Variants in STAB2 observed in about 807,000 individuals in gnomAD.
STAB2 encodes stabilin 2, also known as stabilin-2.
STAB2 carries 288 observed loss-of-function variants against 338.1 expected under a neutral mutation model. That is an observed-to-expected ratio of 0.85 (90% confidence interval 0.77 to 0.94). The LOEUF is 0.94. Ranked by LOEUF, STAB2 falls within the 40% of genes least tolerant of loss-of-function variation. The pLI is 0.00. For missense variants in STAB2, 3,141 were observed against 3,210.1 expected (o/e 0.98, Z 0.52); for synonymous variants, 1,202 against 1,193.3 (o/e 1.01, Z -0.15).
chr12:103,627,319 T>C (rs924600252), intron 5 of STAB2, among the ~76,000 whole-genome samples: 2 of 152,026 alleles, frequency 1.3e-5, no homozygotes, highest in African/African-American at 4.8e-5. Flanking sequence ...GAAATGTGGG[T>C]GACAACTGTG....
chr12:103,750,672 A>G lies in STAB2; in HGVS notation c.6532A>G (p.Asn2178Asp). ...GCCCATTGACCGCTGCTTACAGGACAATGGGCAGTGCCATGCAGACGCCAA... is the reference window on the plus strand; with the variant it reads ...GCCCATTGACCGCTGCTTACAGGACGATGGGCAGTGCCATGCAGACGCCAA... ...QLPIDRCLQDNGQCHADAKCV... is the reference protein window; with the variant it reads ...QLPIDRCLQDDGQCHADAKCV... The change falls in exon 60 of 69, where the codon AAT (asparagine) becomes GAT (aspartate). Residue 2178 changes from asparagine to aspartate, a missense_variant. By Grantham distance (23) the Asn-to-Asp change is conservative. Coordinates refer to ENST00000388887, the MANE Select transcript of STAB2 (RefSeq NM_017564.10). 5 of 1,614,244 alleles carry G rather than the reference A, an allele frequency of 3.1e-6. No homozygotes were observed. Among genetic ancestry groups the G allele is most frequent in the Non-Finnish European group, 4.2e-6 (5 of 1,180,026 alleles).
chr12:103,747,933 T>C (rs1030517623), intron 58 of STAB2, among the ~76,000 whole-genome samples: 1 of 146,662 alleles, frequency 6.8e-6, no homozygotes. Flanking sequence ...AGGCAGAGGT[T>C]GCAGTGAGCT....
intron 36 of STAB2, chr12:103,705,079 A>G (rs1879225524): frequency 6.4e-6 from 1 of 157,076 alleles, no homozygotes; most frequent in African/African-American, 2.4e-5. Context: ...ATTGTAAAAG[A>G]TACTTCTGAT....
intron 27 of STAB2, among the ~76,000 whole-genome samples, chr12:103,686,702 C>T (rs1566015311): frequency 6.6e-6 from 1 of 152,156 alleles, no homozygotes; most frequent in Non-Finnish European, 1.5e-5. Flanking sequence ...GACAGGGTCT[C>T]GCCATGTGAG....
At chr12:103,589,792 AC>A (rs1956768749) in intron 1 of STAB2, among the ~76,000 whole-genome samples, 1 of 152,184 alleles carries the variant, frequency 6.6e-6, no homozygotes, top group East Asian at 1.9e-4. Flanking sequence ...GTGAAGAGTT[AC>A]AGCAGCCAGC....
intron 12 of STAB2, 110 bp downstream of exon 12, chr12:103,652,815 C>A (rs1358680428): frequency 3.8e-5 from 48 of 1,272,370 alleles, no homozygotes; most frequent in Non-Finnish European, 1.3e-5. Flanking sequence ...CAAGGAAATT[C>A]TTTCCTCATG....
chr12:103,761,241 C>T (rs1884512948), intron 65 of STAB2, 59 bp from the exon 66 acceptor site: 1 of 1,527,340 alleles, frequency 6.5e-7, no homozygotes, highest in Non-Finnish European at 9.1e-7. Context: ...CAACTTCCCT[C>T]CATGGAGGGC....
intron 5 of STAB2, among the ~76,000 whole-genome samples, chr12:103,627,187 A>G (rs1957393515): frequency 6.6e-6 from 1 of 152,044 alleles, no homozygotes; most frequent in Admixed American, 6.5e-5. Flanking sequence ...GTGACTCCAG[A>G]GCCTGGGCCC....
At chr12:103,727,183 G>T in intron 46 of STAB2, 84 bp from the exon 47 acceptor site, 1 of 1,408,628 alleles carries the variant, frequency 7.1e-7, no homozygotes, top group East Asian at 2.3e-5. Flanking sequence ...TCACCCAGGT[G>T]CCATCATCTC....
intron 37 of STAB2, among the ~76,000 whole-genome samples, chr12:103,706,428 C>T (rs1383582206): frequency 3.9e-5 from 6 of 152,190 alleles, no homozygotes; most frequent in Non-Finnish European, 8.8e-5. Flanking sequence ...TGTGAAGGGG[C>T]CCAGATCTGG....
chr12:103,713,677 C>T lies in STAB2; in HGVS notation c.4446C>T (p.Cys1482=), dbSNP rs780218948. ...CCTGTGAGATCAGCAATGGAGGTTG[C>T]TCTGCCAAGGCTGACTGTAAGAGAA... ...INACEISNGG[C]SAKADCKRTT... is the part of the protein sequence containing the mutation. The change falls in exon 42 of 69, where the codon TGC becomes TGT. Residue 1482 remains cysteine, a synonymous_variant. Transcript: ENST00000388887. 7 of 1,613,954 alleles carry T rather than the reference C, an allele frequency of 4.3e-6. No homozygotes were observed. In the East Asian group the frequency reaches 6.7e-5, roughly 15 times the overall value.
chr12:103,761,492 C>T (rs1884536675), intron 66 of STAB2, 82 bp downstream of exon 66: 2 of 1,238,502 alleles, frequency 1.6e-6, no homozygotes, highest in Non-Finnish European at 2.3e-6. Flanking sequence ...ACCAGAAGCC[C>T]TGTCCTCCTC....
intron 3 of STAB2, among the ~76,000 whole-genome samples, chr12:103,612,367 G>C (rs1205022980): frequency 6.6e-6 from 1 of 152,100 alleles, no homozygotes; most frequent in Non-Finnish European, 1.5e-5. Context: ...CATATTTCTT[G>C]GAGGCTTTGT....
chr12:103,679,919 T>C (rs1593225317), intron 25 of STAB2, among the ~76,000 whole-genome samples: 1 of 152,194 alleles, frequency 6.6e-6, no homozygotes, highest in South Asian at 2.1e-4. Context: ...ACGTGGTATA[T>C]GTATACAATG....
Position 103,707,062 on chromosome 12 carries a change from C to T in STAB2, c.4192+75C>T, listed in dbSNP as rs530739231. On this transcript the variant is annotated intron_variant, in intron 38 of 68. Transcript: ENST00000388887. ...GGAATATGCAGGGAAAGAGTGATCC[C>T]ACACGTGCTCTCTAGCTGGCCTGTC... 2.3e-4 allele frequency: 343 copies of T among 1,517,706 alleles called. 1 individual carries two copies. The African/African-American group carries it at 4.0e-3, about 18-fold the overall frequency. 94.0% of individuals were successfully genotyped at this position (1,517,706 alleles called of 1,614,324 possible).
chr12:103,645,891 G>A (rs1332822746), intron 9 of STAB2, among the ~76,000 whole-genome samples: 2 of 152,004 alleles, frequency 1.3e-5, no homozygotes. Flanking sequence ...GCGGGGCTGG[G>A]GAGGGGGGGC....
intron 34 of STAB2, among the ~76,000 whole-genome samples, chr12:103,702,442 G>A (rs577410310): frequency 6.6e-6 from 1 of 152,192 alleles, no homozygotes; most frequent in East Asian, 1.9e-4. Context: ...GGGACTACAG[G>A]CGCCCGCCAC....
At chr12:103,619,844 T>C (rs1411670222) in intron 3 of STAB2, among the ~76,000 whole-genome samples, 2 of 152,042 alleles carry the variant, frequency 1.3e-5, no homozygotes, top group Admixed American at 1.3e-4. Context: ...CATGCCCTTT[T>C]ACAATTCCAA....
chr12:103,645,528 T>C (rs1873267478), intron 9 of STAB2, among the ~76,000 whole-genome samples: 1 of 152,228 alleles, frequency 6.6e-6, no homozygotes, highest in Admixed American at 6.5e-5. Context: ...TGTTAACAGT[T>C]GTCTTCAAAT....
Sources: gnomAD v4.1 joint callset for allele counts (sites outside exome capture counted in the v4.1 genomes callset) on GRCh38, gnomAD v4.1.1 for gene constraint, MANE v1.5 for transcripts, NCBI Gene and HGNC (gene_info 2026-07-23, HGNC 2026-07-21) for gene names.